The following LYPD6B variants were observed in gnomAD, a reference collection of about 807,000 sequenced individuals.
LYPD6B encodes the protein LY6/PLAUR domain containing 6B.
A neutral mutation model predicts 22.8 loss-of-function variants in LYPD6B; 17 were observed. The ratio of observed to expected loss-of-function variants is 0.75; its 90% CI spans 0.51 to 1.12. LYPD6B has a LOEUF of 1.12. Among genes scored for constraint, LYPD6B ranks in the 50% most tolerant of loss-of-function variants. LYPD6B has a pLI of 0.00. For synonymous variants in LYPD6B, 106 were observed against 91.6 expected, an observed-to-expected ratio of 1.16 and a Z score of -0.90; for missense variants, 221 against 258.3, an observed-to-expected ratio of 0.86 and a Z score of 0.99.
intron 1 of LYPD6B, among the ~76,000 whole-genome samples, chr2:149,070,523 C>T (rs1027959666): frequency 1.3e-5 from 2 of 152,154 alleles, no homozygotes; most frequent in Non-Finnish European, 2.9e-5. Context: ...ATGGTATTCC[C>T]AGTGCCTGGA....
intron 1 of LYPD6B, among the ~76,000 whole-genome samples, chr2:149,054,791 A>G (rs1683714627): frequency 6.6e-6 from 1 of 152,044 alleles, no homozygotes; most frequent in Non-Finnish European, 1.5e-5. Flanking sequence ...AGGCTGGAGA[A>G]TCTCTTGAGC....
At chr2:149,077,336 T>A (rs1250354741) in intron 1 of LYPD6B, among the ~76,000 whole-genome samples, 1 of 152,242 alleles carries the variant, frequency 6.6e-6, no homozygotes, top group Admixed American at 6.5e-5. Flanking sequence ...AAGTGAGTGC[T>A]TTGTTTTCTG....
chr2:149,062,113 G>A lies in LYPD6B; in HGVS notation c.-67+23312G>A, dbSNP rs1209586858. Among the ~76,000 whole-genome samples, 12 of 151,912 alleles carry A rather than the reference G, an allele frequency of 7.9e-5. No homozygotes were observed. In the South Asian group the frequency reaches 1.7e-3, roughly 21 times the overall value. On this transcript the variant is annotated intron_variant, in intron 1 of 6. Coordinates refer to ENST00000409642, the MANE Select transcript of LYPD6B (RefSeq NM_177964.5). ...AGCAATTCTCCTGCCTCAGCCTCCC[G>A]AGTAGCTGGGATTACAGGCATGTGC...
chr2:149,141,513 A>G (rs1688692447), intron 2 of LYPD6B, among the ~76,000 whole-genome samples: 1 of 152,178 alleles, frequency 6.6e-6, no homozygotes, highest in Non-Finnish European at 1.5e-5. Flanking sequence ...AGTGAATTTA[A>G]TGGGTCCATA....
chr2:149,132,975 T>G (rs1440549103), intron 2 of LYPD6B, among the ~76,000 whole-genome samples: 1 of 152,216 alleles, frequency 6.6e-6, no homozygotes, highest in Non-Finnish European at 1.5e-5. Context: ...ACTTATTTAA[T>G]TATATTTCAG....
chr2:149,066,281 C>T (rs1177413270), intron 1 of LYPD6B, among the ~76,000 whole-genome samples: 1 of 151,856 alleles, frequency 6.6e-6, no homozygotes, highest in Admixed American at 6.6e-5. Context: ...CATCCATTAA[C>T]TTGTCATTTA....
At chr2:149,083,373 A>G (rs1017014429) in intron 1 of LYPD6B, among the ~76,000 whole-genome samples, 2 of 152,226 alleles carry the variant, frequency 1.3e-5, no homozygotes, top group Admixed American at 6.5e-5. Flanking sequence ...ATCTAATAAT[A>G]TCTAGCACAT....
chr2:149,083,282 A>G (rs998660609), intron 1 of LYPD6B, among the ~76,000 whole-genome samples: 1 of 152,212 alleles, frequency 6.6e-6, no homozygotes, highest in Non-Finnish European at 1.5e-5. Context: ...CTTGAGATGC[A>G]TCGCCTGAGG....
chr2:149,169,158 T>C (rs1189345597), intron 3 of LYPD6B, among the ~76,000 whole-genome samples: 3 of 152,186 alleles, frequency 2.0e-5, no homozygotes, highest in Non-Finnish European at 4.4e-5. Flanking sequence ...CCCTAATTCA[T>C]GCATGGACCC....
rs140893476 is a variant in LYPD6B at position 149,130,796 on chromosome 2, T to C, written c.-66-87T>C. The C allele has an allele frequency of 7.7e-3, 5,096 of 660,086 alleles. 26 individuals are homozygous for C. The highest frequency in any genetic ancestry group is 0.011 in the Non-Finnish European group (4,127 of 372,688). The allele number at this position is 660,086 out of a possible 1,614,324, so 40.9% of individuals were successfully genotyped here. On this transcript the variant is annotated intron_variant, in intron 1 of 6. Transcript: ENST00000409642. ...ATCTCTTTATGATGTGTCCCCAGCC[T>C]AAAACCCCCTACTTACTTAAAATCC...
chr2:149,188,563 G>C (rs1377289204), intron 3 of LYPD6B: 1 of 231,410 alleles, frequency 4.3e-6, no homozygotes, highest in South Asian at 1.6e-4. Flanking sequence ...AAGGAATGCA[G>C]TTCTGGGACC....
intron 2 of LYPD6B, among the ~76,000 whole-genome samples, chr2:149,158,747 G>A (rs1689862460): frequency 6.6e-6 from 1 of 152,160 alleles, no homozygotes; most frequent in African/African-American, 2.4e-5. Context: ...GCATATTTGA[G>A]ACTTATACAC....
At chr2:149,202,306 C>G (rs1162812590) in intron 3 of LYPD6B, among the ~76,000 whole-genome samples, 1 of 152,144 alleles carries the variant, frequency 6.6e-6, no homozygotes, top group Non-Finnish European at 1.5e-5. Context: ...TCTGTGTGAT[C>G]TGGTCCCACC....
At chr2:149,174,742 G>A (rs573556218) in intron 3 of LYPD6B, among the ~76,000 whole-genome samples, 28 of 151,690 alleles carry the variant, frequency 1.8e-4, no homozygotes, top group Non-Finnish European at 3.4e-4. Flanking sequence ...TCTGTTGTTC[G>A]TGGTGGATTA....
intron 1 of LYPD6B, among the ~76,000 whole-genome samples, chr2:149,126,593 G>A (rs1266577970): frequency 6.6e-6 from 1 of 152,018 alleles, no homozygotes; most frequent in East Asian, 1.9e-4. Context: ...AAGAGGAGGG[G>A]TGGGTCTTGC....
chr2:149,163,871 A>G (rs1690251878), intron 3 of LYPD6B, among the ~76,000 whole-genome samples: 1 of 152,220 alleles, frequency 6.6e-6, no homozygotes, highest in Non-Finnish European at 1.5e-5. Context: ...TAACAGGAGA[A>G]AAGGTATGCA....
chr2:149,153,278 A>G (rs1052850333), intron 2 of LYPD6B, among the ~76,000 whole-genome samples: 5 of 152,152 alleles, frequency 3.3e-5, no homozygotes, highest in Non-Finnish European at 7.3e-5. Context: ...CAGGGCTTGG[A>G]CCAAATGGAG....
intron 1 of LYPD6B, among the ~76,000 whole-genome samples, chr2:149,056,668 A>G (rs1029461059): frequency 3.3e-4 from 50 of 152,238 alleles, no homozygotes; most frequent in Middle Eastern, 3.4e-3. Flanking sequence ...ATGCACACAC[A>G]TACATACAAC....
At position 149,189,367 on chromosome 2, in the gene LYPD6B, T is replaced by C. The variant is rs111921006; in HGVS notation, c.78-15886T>C. 1.5e-3 allele frequency among the ~76,000 whole-genome samples: 118 copies of C among 80,994 alleles called. 5 individuals are homozygous for C. The South Asian group carries it at 0.019, about 13-fold the overall frequency. The allele number at this position is 80,994 out of a possible 152,430, so 53.1% of individuals were successfully genotyped here. A position where few individuals can be genotyped will look rare whatever the true frequency, so the allele number is the denominator to read the frequency against. ...TTATATATATATATATATATATATATACACACACATATGTATATATGTATA... is the reference window on the plus strand; with the variant it reads ...TTATATATATATATATATATATATACACACACACATATGTATATATGTATA... On this transcript the variant is annotated intron_variant, in intron 3 of 6. Transcript: ENST00000409642.
Sources: allele counts gnomAD v4.1 joint callset (sites outside exome capture counted in the v4.1 genomes callset), GRCh38; gene constraint gnomAD v4.1.1; transcripts MANE v1.5; gene names NCBI Gene and HGNC (gene_info 2026-07-23, HGNC 2026-07-21).